The following PTPRN2 variants were observed in gnomAD, a reference collection of about 807,000 sequenced individuals.
PTPRN2 encodes the protein receptor-type tyrosine-protein phosphatase N2.
In PTPRN2, 74 loss-of-function variants were observed where a neutral mutation model predicts 118.8. That is an observed-to-expected ratio of 0.62 (90% CI 0.52 to 0.76). The LOEUF is 0.76. Among genes scored for constraint, PTPRN2 ranks in the 30% least tolerant of loss-of-function variants. The pLI, the probability that PTPRN2 is intolerant of heterozygous loss-of-function variation, is 0.00. For synonymous variants in PTPRN2, 641 were observed against 608.0 expected, an observed-to-expected ratio of 1.05 and a Z score of -0.80; for missense variants, 1,481 against 1,394.4, an observed-to-expected ratio of 1.06 and a Z score of -0.99.
Position 158,388,685 on chromosome 7 carries a change from C to T in PTPRN2, c.164-71753G>A, listed in dbSNP as rs78303663. Among the ~76,000 whole-genome samples the T allele has an allele frequency of 7.5e-3, 1,148 of 152,130 alleles. 12 individuals are homozygous for T. The highest frequency in any genetic ancestry group is 0.012 in the African/African-American group (503 of 41,436). On this transcript the variant is annotated intron_variant, in intron 2 of 22. Coordinates refer to ENST00000389418, the MANE Select transcript of PTPRN2 (RefSeq NM_002847.5). ...TAAATCACTGGCCATTGGTGATTAA[C>T]CCCCCAAGAGTTGGGGGGGCCTGAA...
At chr7:158,413,312 G>A (rs887134468) in intron 2 of PTPRN2, among the ~76,000 whole-genome samples, 29 of 152,366 alleles carry the variant, frequency 1.9e-4, no homozygotes, top group East Asian at 1.9e-4. Flanking sequence ...AGGGGCTCAC[G>A]AGAAAAGGAA....
chr7:158,225,761 TA>T (rs1452589691), intron 3 of PTPRN2, among the ~76,000 whole-genome samples: 5 of 152,190 alleles, frequency 3.3e-5, no homozygotes, highest in African/African-American at 9.6e-5. Context: ...ACTGGAAAGA[TA>T]AATAGAATTC....
At chr7:158,419,196 A>T (rs995917281) in intron 2 of PTPRN2, among the ~76,000 whole-genome samples, 1 of 152,228 alleles carries the variant, frequency 6.6e-6, no homozygotes, top group East Asian at 1.9e-4. Flanking sequence ...GCCTGAAGAC[A>T]TGTGTCCTTG....
chr7:158,121,628 C>T (rs542764076), intron 9 of PTPRN2, among the ~76,000 whole-genome samples: 3 of 152,318 alleles, frequency 2.0e-5, no homozygotes, highest in East Asian at 1.9e-4. Flanking sequence ...TGGGCCCAGC[C>T]CTCTGCCCTC....
At chr7:158,561,380 G>A (rs575207675) in intron 1 of PTPRN2, among the ~76,000 whole-genome samples, 7 of 152,288 alleles carry the variant, frequency 4.6e-5, no homozygotes, top group South Asian at 4.1e-4. Context: ...GGCTCCTTCT[G>A]TAAAGAGGAA....
chr7:158,048,368 A>T (rs79857337), intron 11 of PTPRN2, among the ~76,000 whole-genome samples: 235 of 152,236 alleles, frequency 1.5e-3, no homozygotes, highest in African/African-American at 5.7e-3. Flanking sequence ...CTTGGTCCTC[A>T]TGTTACATTT....
At chr7:157,833,292 G>A (rs1807699953) in intron 12 of PTPRN2, among the ~76,000 whole-genome samples, 1 of 148,218 alleles carries the variant, frequency 6.7e-6, no homozygotes, top group Non-Finnish European at 1.5e-5. Flanking sequence ...GATGTGGCCG[G>A]TGCCCATCCA....
intron 12 of PTPRN2, among the ~76,000 whole-genome samples, chr7:157,803,201 G>T (rs1385874915): frequency 6.6e-6 from 1 of 152,178 alleles, no homozygotes; most frequent in Non-Finnish European, 1.5e-5. Context: ...CTGACCTTAA[G>T]TGATCCACCC....
chr7:158,499,327 G>A (rs1822186555), intron 1 of PTPRN2, among the ~76,000 whole-genome samples: 1 of 152,158 alleles, frequency 6.6e-6, no homozygotes, highest in Non-Finnish European at 1.5e-5. Flanking sequence ...CCGCTGGGCT[G>A]CCCACCACAC....
At chr7:158,479,212 T>C (rs73729646) in intron 2 of PTPRN2, among the ~76,000 whole-genome samples, 2,276 of 152,190 alleles carry the variant, frequency 0.015, 71 homozygotes, top group African/African-American at 0.052. Context: ...GGGGCTCATG[T>C]TACTCAATGT....
chr7:158,330,076 G>A (rs1290024733), intron 2 of PTPRN2, among the ~76,000 whole-genome samples: 1 of 147,206 alleles, frequency 6.8e-6, no homozygotes, highest in African/African-American at 2.5e-5. Context: ...CACCATAAGA[G>A]CTGACACCTG....
chr7:158,366,455 A>G (rs1220929822), intron 2 of PTPRN2, among the ~76,000 whole-genome samples: 2 of 151,416 alleles, frequency 1.3e-5, no homozygotes, highest in Non-Finnish European at 3.0e-5. Context: ...ACACACACCC[A>G]CACACCCACA....
chr7:158,000,467 G>A (rs1308340094), intron 11 of PTPRN2, among the ~76,000 whole-genome samples: 1 of 151,952 alleles, frequency 6.6e-6, no homozygotes, highest in Non-Finnish European at 1.5e-5. Flanking sequence ...CACCACTAAC[G>A]CCCTGCACAC....
chr7:157,829,012 A>G (rs557737856), intron 12 of PTPRN2, among the ~76,000 whole-genome samples: 56 of 152,390 alleles, frequency 3.7e-4, no homozygotes, highest in African/African-American at 1.3e-3. Context: ...TCTTAAAACC[A>G]AACACAATTT....
intron 12 of PTPRN2, among the ~76,000 whole-genome samples, chr7:157,786,635 G>A (rs1804056339): frequency 6.6e-6 from 1 of 152,234 alleles, no homozygotes; most frequent in Non-Finnish European, 1.5e-5. Context: ...AGAGATAGAG[G>A]ACGGTGAGGC....
intron 11 of PTPRN2, among the ~76,000 whole-genome samples, chr7:157,911,768 A>C (rs182293865): frequency 6.6e-6 from 1 of 152,204 alleles, no homozygotes; most frequent in Non-Finnish European, 1.5e-5. Context: ...TTCTGTATGT[A>C]GACTTTTTTT....
At chr7:158,297,822 T>C (rs563300142) in intron 3 of PTPRN2, among the ~76,000 whole-genome samples, 15 of 152,352 alleles carry the variant, frequency 9.8e-5, no homozygotes, top group Middle Eastern at 3.4e-3. Flanking sequence ...CACAATAGGA[T>C]GGTTTGTGGA....
intron 12 of PTPRN2, among the ~76,000 whole-genome samples, chr7:157,818,482 G>A (rs749260764): frequency 6.6e-6 from 1 of 152,098 alleles, no homozygotes; most frequent in East Asian, 1.9e-4. Flanking sequence ...CATCTTCAAC[G>A]ATGAGGAAGA....
chr7:157,962,040 C>T (rs1168195502), intron 11 of PTPRN2, among the ~76,000 whole-genome samples: 1 of 152,192 alleles, frequency 6.6e-6, no homozygotes, highest in African/African-American at 2.4e-5. Context: ...CAGTGCCCGG[C>T]GGGTGCACAC....
Sources: gnomAD v4.1 joint callset for allele counts (sites outside exome capture counted in the v4.1 genomes callset) on GRCh38, gnomAD v4.1.1 for gene constraint, MANE v1.5 for transcripts, NCBI Gene and HGNC (gene_info 2026-07-23, HGNC 2026-07-21) for gene names.